The following NREP variants were observed in gnomAD, a reference collection of about 807,000 sequenced individuals.
NREP encodes neuronal regeneration-related protein.
A neutral mutation model predicts 8.6 loss-of-function variants in NREP; 5 were observed. The observed-to-expected ratio is 0.58, with a 90% CI of 0.30 to 1.22. The LOEUF (loss-of-function observed/expected upper bound fraction) is 1.22, where lower values mean the gene tolerates loss of function less well. NREP is among the 50% of genes most tolerant of loss of function. The probability of loss-of-function intolerance (pLI) is 0.07; values close to 1 mark genes in which losing one functional copy is unlikely to be tolerated. For missense variants in NREP, 86 were observed against 82.5 expected (o/e 1.04, Z -0.17); for synonymous variants, 27 against 28.0 (o/e 0.96, Z 0.11).
At position 111,901,241 on chromosome 5, in the gene NREP, G is replaced by C. The variant is rs76295904; in HGVS notation, c.135+74033C>G. Reference sequence around the variant, plus strand: ...ATGATCATAAAACAGATTTATTCACGAAGGATGTTGAATTTAATTACTTTT... The same window carrying C: ...ATGATCATAAAACAGATTTATTCACCAAGGATGTTGAATTTAATTACTTTT... On this transcript the variant is annotated intron_variant, in intron 2 of 3. Coordinates refer to the NREP transcript ENST00000395634. 8.8e-3 allele frequency among the ~76,000 whole-genome samples: 1,338 copies of C among 152,096 alleles called. 23 individuals carry two copies. Among genetic ancestry groups the C allele is most frequent in the African/African-American group, 0.031 (1,275 of 41,514 alleles).
At chr5:111,756,296 TAAAA>T in intron 1 of NREP, 27 of 237,806 alleles carry the variant, frequency 1.1e-4, no homozygotes, top group East Asian at 6.3e-4. Context: ...CTTCCGTGTT[TAAAA>T]AAAAAAAAAA....
intron 2 of NREP, among the ~76,000 whole-genome samples, chr5:111,794,816 G>A (rs1751838741): frequency 6.6e-6 from 1 of 152,060 alleles, no homozygotes; most frequent in Non-Finnish European, 1.5e-5. Context: ...GAACCCTAAT[G>A]TAAACGATGG....
intron 2 of NREP, among the ~76,000 whole-genome samples, chr5:111,813,288 C>A (rs779620590): frequency 1.3e-5 from 2 of 152,036 alleles, no homozygotes; most frequent in Non-Finnish European, 2.9e-5. Flanking sequence ...ATGATTAGAG[C>A]CACAAAAAAG....
intron 2 of NREP, among the ~76,000 whole-genome samples, chr5:111,960,973 T>C (rs897800871): frequency 6.6e-6 from 1 of 152,376 alleles, no homozygotes; most frequent in East Asian, 1.9e-4. Flanking sequence ...AAAACATTTA[T>C]TGAGTCATAA....
At chr5:111,957,164 A>G (rs963256734) in intron 2 of NREP, among the ~76,000 whole-genome samples, 3 of 151,140 alleles carry the variant, frequency 2.0e-5, no homozygotes, top group African/African-American at 7.3e-5. Context: ...AAGAAAGAGC[A>G]AAAGAGAGAG....
At chr5:111,776,564 A>T (rs529936548) in intron 2 of NREP, among the ~76,000 whole-genome samples, 1 of 152,336 alleles carries the variant, frequency 6.6e-6, no homozygotes, top group Admixed American at 6.5e-5. Context: ...GAAACATTCC[A>T]TATGTCCATC....
chr5:111,891,859 G>A (rs902572386), intron 2 of NREP, among the ~76,000 whole-genome samples: 2 of 152,118 alleles, frequency 1.3e-5, no homozygotes, highest in Admixed American at 1.3e-4. Flanking sequence ...ACACCATCGT[G>A]AGCCAATCAC....
chr5:111,745,805 A>G (rs1289592829), intron 2 of NREP, among the ~76,000 whole-genome samples: 2 of 152,176 alleles, frequency 1.3e-5, no homozygotes. Flanking sequence ...GGCAGTATAT[A>G]AACTACTAAG....
chr5:111,737,030 G>T (rs1184358899), intron 2 of NREP, among the ~76,000 whole-genome samples: 1 of 152,184 alleles, frequency 6.6e-6, no homozygotes, highest in African/African-American at 2.4e-5. Context: ...AGCTCATTCT[G>T]CAAGAGCTAG....
intron 2 of NREP, among the ~76,000 whole-genome samples, chr5:111,784,426 G>A (rs1751562866): frequency 6.6e-6 from 1 of 152,096 alleles, no homozygotes; most frequent in Non-Finnish European, 1.5e-5. Context: ...TCATATGGGG[G>A]AAAAAGAAGC....
chr5:111,957,026 G>A (rs1464738121), intron 2 of NREP, among the ~76,000 whole-genome samples: 1 of 151,608 alleles, frequency 6.6e-6, no homozygotes, highest in African/African-American at 2.4e-5. Context: ...ATGACATACA[G>A]TAGAGTGATA....
intron 2 of NREP, among the ~76,000 whole-genome samples, chr5:111,785,606 G>T (rs540349196): frequency 5.3e-5 from 8 of 152,132 alleles, no homozygotes; most frequent in African/African-American, 1.9e-4. Context: ...TTGAAGCTTT[G>T]GAAGCTACTG....
At chr5:111,948,781 C>G (rs775425577) in intron 2 of NREP, 1 of 152,042 alleles carries the variant, frequency 6.6e-6, no homozygotes, top group Non-Finnish European at 1.5e-5. Context: ...GACTATGAGT[C>G]TTTCCAGTGT....
chr5:111,886,535 C>A (rs556686850), intron 2 of NREP, among the ~76,000 whole-genome samples: 4 of 151,228 alleles, frequency 2.6e-5, no homozygotes, highest in Non-Finnish European at 5.9e-5. Context: ...ATGTTTATTG[C>A]GGCATTATTC....
chr5:111,919,625 G>A (rs1167041351), intron 2 of NREP, among the ~76,000 whole-genome samples: 5 of 152,026 alleles, frequency 3.3e-5, no homozygotes, highest in Admixed American at 6.6e-5. Context: ...CCCAAGAACA[G>A]AAAACCAAAC....
chr5:111,876,245 G>A (rs887310579), intron 2 of NREP, among the ~76,000 whole-genome samples: 4 of 152,094 alleles, frequency 2.6e-5, no homozygotes, highest in Non-Finnish European at 5.9e-5. Flanking sequence ...TTTTCAGGCT[G>A]CTTTTGATTA....
intron 2 of NREP, among the ~76,000 whole-genome samples, chr5:111,762,793 C>T (rs577180128): frequency 3.3e-5 from 5 of 152,214 alleles, no homozygotes; most frequent in East Asian, 1.9e-4. Flanking sequence ...TTATCGCAAC[C>T]GTGGGAAACT....
intron 2 of NREP, among the ~76,000 whole-genome samples, chr5:111,924,506 T>C (rs910243823): frequency 1.3e-5 from 2 of 152,042 alleles, no homozygotes; most frequent in Non-Finnish European, 2.9e-5. Flanking sequence ...GGCCATTTCA[T>C]TTCCTCAGGT....
intron 2 of NREP, among the ~76,000 whole-genome samples, chr5:111,896,549 A>G (rs1414022967): frequency 6.6e-5 from 10 of 152,186 alleles, no homozygotes; most frequent in African/African-American, 2.4e-4. Flanking sequence ...CCAGAAGCCT[A>G]TGTTCACAAA....
Sources: allele counts gnomAD v4.1 joint callset (sites outside exome capture counted in the v4.1 genomes callset), GRCh38; gene constraint gnomAD v4.1.1; transcripts MANE v1.5; gene names NCBI Gene and HGNC (gene_info 2026-07-23, HGNC 2026-07-21).